PCDHGA5: variants seen among roughly 807,000 people sequenced by gnomAD.
The protein encoded by PCDHGA5 is protocadherin gamma subfamily A, 5.
Under a neutral mutation model 56.7 loss-of-function variants are expected in PCDHGA5, and 36 were observed. The ratio of observed to expected loss-of-function variants is 0.64; its 90% confidence interval spans 0.49 to 0.84. PCDHGA5 has a LOEUF of 0.84. Ranked by LOEUF, PCDHGA5 falls within the 40% of genes least tolerant of loss-of-function variation. The pLI, the probability that PCDHGA5 is intolerant of heterozygous loss-of-function variation, is 0.00. For synonymous variants in PCDHGA5, 563 were observed against 520.2 expected (o/e 1.08, Z -1.12); for missense variants, 1,305 against 1,201.5 (o/e 1.09, Z -1.27).
rs200512171 is a variant in PCDHGA5, at chr5:141,418,143, T to C, written c.2421+51392T>C. ...AAGGACCGAATAGACCGTGAGCAAA[T>C]ATGCAAAGAGAGAAGAAGATGTGAG... On this transcript the variant is annotated intron_variant, in intron 1 of 3. Transcript: ENST00000518069. 2.6e-4 allele frequency: 419 copies of C among 1,613,982 alleles called. 1 individual carries two copies. In the African/African-American group the frequency reaches 5.2e-3, roughly 20 times the overall value.
chr5:141,420,857 C>T (rs1342820721), intron 1 of PCDHGA5, among the ~76,000 whole-genome samples: 1 of 152,220 alleles, frequency 6.6e-6, no homozygotes, highest in Non-Finnish European at 1.5e-5. Context: ...AAAGTTTTAA[C>T]GTCACATAAT....
chr5:141,388,453 A>G (rs556619446), intron 1 of PCDHGA5: 1 of 1,613,846 alleles, frequency 6.2e-7, no homozygotes, highest in East Asian at 2.2e-5. Flanking sequence ...GATGGCAGTA[A>G]ATACCCTGAG....
Position 141,383,260 on chromosome 5 carries a change from G to C in PCDHGA5, c.2421+16509G>C, listed in dbSNP as rs375487349. On this transcript the variant is annotated intron_variant, in intron 1 of 3. Coordinates refer to ENST00000518069, the MANE Select transcript of PCDHGA5 (RefSeq NM_018918.3). ...TAAAATGAATCTTTACCCTATAGAC[G>C]TGGAAATAATAGATATTAATGACAA... 3.7e-6 allele frequency: 6 copies of C among 1,613,782 alleles called. No homozygotes were observed. The African/African-American group carries it at 6.7e-5, about 18-fold the overall frequency.
intron 1 of PCDHGA5, chr5:141,398,694 T>A: frequency 6.2e-7 from 1 of 1,613,868 alleles, no homozygotes; most frequent in Non-Finnish European, 8.5e-7. Context: ...AGGATGGTAG[T>A]AAATACCCGG....
chr5:141,427,930 T>C, intron 1 of PCDHGA5: 2 of 1,583,398 alleles, frequency 1.3e-6, no homozygotes. Flanking sequence ...CGGCGCATGT[T>C]GGTGGGCGAC....
chr5:141,405,176 G>A (rs917679696), intron 1 of PCDHGA5: 3 of 1,614,068 alleles, frequency 1.9e-6, no homozygotes, highest in Non-Finnish European at 2.5e-6. Context: ...ACACTTTGTG[G>A]GTGTAGATGG....
chr5:141,449,782 T>C (rs2098655261), intron 1 of PCDHGA5, among the ~76,000 whole-genome samples: 1 of 151,720 alleles, frequency 6.6e-6, no homozygotes, highest in South Asian at 2.1e-4. Flanking sequence ...GAAATTATGT[T>C]TCTTTATTCC....
At chr5:141,422,229 G>C in intron 1 of PCDHGA5, 4 of 1,565,880 alleles carry the variant, frequency 2.6e-6, no homozygotes, top group Non-Finnish European at 3.4e-6. Flanking sequence ...CCACGACGAT[G>C]TTGATCACTG....
chr5:141,404,080 C>G (rs369802030), intron 1 of PCDHGA5: 1 of 1,613,516 alleles, frequency 6.2e-7, no homozygotes, highest in Non-Finnish European at 8.5e-7. Flanking sequence ...ACCGAGACTC[C>G]GGGAAGAATG....
Position 141,489,361 on chromosome 5 carries a change from C to A in PCDHGA5, c.2422-5446C>A. ...TTACTCAGTGGTGGAGGAGTCTGAG[C>A]CGGGGACGCTGGTGGGGAATGTTGC... On this transcript the variant is annotated intron_variant, in intron 1 of 3. Transcript: ENST00000518069. This position sits in a 1 kb window ranked among gnomAD's most constrained non-coding sequence, Gnocchi z 4.5. 1 of 1,612,880 alleles carries A rather than the reference C, an allele frequency of 6.2e-7. No individual in the cohort carries two copies. The highest frequency in any genetic ancestry group is 8.5e-7 in the Non-Finnish European group (1 of 1,179,164).
At position 141,421,233 on chromosome 5, in the gene PCDHGA5, G is replaced by A. The variant is rs201076931; in HGVS notation, c.2421+54482G>A. Reference sequence around the variant, plus strand: ...ATATCGGCTTAGAGCCTGCCATGGCGAATCGGCTACAGCGCGGGGACCGCA... The same window carrying A: ...ATATCGGCTTAGAGCCTGCCATGGCAAATCGGCTACAGCGCGGGGACCGCA... On this transcript the variant is annotated intron_variant, in intron 1 of 3. Coordinates refer to ENST00000518069, the MANE Select transcript of PCDHGA5 (RefSeq NM_018918.3). 1.4e-3 allele frequency: 2,185 copies of A among 1,592,236 alleles called. 58 individuals are homozygous for A. In the South Asian group the frequency reaches 0.024, roughly 17 times the overall value.
At chr5:141,494,161 T>G (rs1420295862) in intron 1 of PCDHGA5, among the ~76,000 whole-genome samples, 3 of 152,052 alleles carry the variant, frequency 2.0e-5, no homozygotes, top group African/African-American at 7.3e-5. Flanking sequence ...TGGCACGGAG[T>G]TCTAGGGGTG....
chr5:141,383,551 G>A lies in PCDHGA5; in HGVS notation c.2421+16800G>A, dbSNP rs772901140. 8 of 1,612,382 alleles carry A rather than the reference G, an allele frequency of 5.0e-6. No individual in the cohort carries two copies. Among genetic ancestry groups the A allele is most frequent in the Admixed American group, 3.3e-5 (2 of 59,816 alleles). On this transcript the variant is annotated intron_variant, in intron 1 of 3. Transcript: ENST00000518069. ...CCTGGTCCTCACAGCCTCTGATGGC[G>A]GCGACCCGCCCCGATCCAGCACCGC...
In PCDHGA5 at chr5:141,409,580, C is replaced by T. The variant is rs969743613; in HGVS notation, c.2421+42829C>T. The T allele has an allele frequency of 3.7e-6, 6 of 1,613,922 alleles. No homozygotes were observed. The Admixed American group carries it at 8.3e-5, about 22-fold the overall frequency. The stretch of plus-strand genomic sequence containing the variant: ...TTTCGACCAGACGTCCTACGTGGTC[C>T]ACGTGGCCGAGAACAACCCGCCAGG... On this transcript the variant is annotated intron_variant, in intron 1 of 3. Transcript: ENST00000518069.
Position 141,454,796 on chromosome 5 carries a change from A to ATTT in PCDHGA5, c.2422-39984_2422-39982dup, listed in dbSNP as rs61612330. 3.3e-3 allele frequency among the ~76,000 whole-genome samples: 253 copies of ATTT among 77,450 alleles called. 31 individuals carry two copies. The highest frequency in any genetic ancestry group is 0.02 in the South Asian group (39 of 1,960). The allele number at this position is 77,450 out of a possible 152,430, so 50.8% of individuals were successfully genotyped here. ...AAGGAAATAATCCTCCATGGTTCTA[A>ATTT]TTTTTTTTTTTTTTTTTTTTTTTTT... On this transcript the variant is annotated intron_variant, in intron 1 of 3. Coordinates refer to ENST00000518069, the MANE Select transcript of PCDHGA5 (RefSeq NM_018918.3).
At chr5:141,384,620 G>T in intron 1 of PCDHGA5, 1 of 1,614,200 alleles carries the variant, frequency 6.2e-7, no homozygotes, top group Non-Finnish European at 8.5e-7. Flanking sequence ...GGTTCTACTG[G>T]CATGGAGCTG....
At chr5:141,367,142 G>A (rs1224581067) in intron 1 of PCDHGA5, 1 of 171,748 alleles carries the variant, frequency 5.8e-6, no homozygotes, top group African/African-American at 2.4e-5. Flanking sequence ...AAAGGATAAT[G>A]TATAGGACTG....
At chr5:141,387,967 C>A in intron 1 of PCDHGA5, 1 of 1,489,224 alleles carries the variant, frequency 6.7e-7, no homozygotes, top group Non-Finnish European at 9.0e-7. Context: ...TTCTGCCCGG[C>A]GCTCTGTGAG....
rs1035125527 is a variant in PCDHGA5, at chr5:141,485,059, C to T, written c.2422-9748C>T. The T allele has an allele frequency of 7.0e-6, 6 of 858,958 alleles. No homozygotes were observed. The highest frequency in any genetic ancestry group is 2.4e-5 in the East Asian group (1 of 40,854). 53.2% of individuals were successfully genotyped at this position (858,958 alleles called of 1,614,324 possible). A position where few individuals can be genotyped will look rare whatever the true frequency, so the allele number is the denominator to read the frequency against. ...AACCCTTGCGGCGCCGGCCGAACCG[C>T]GCCAGAGCTGGCGCGGGGAAAGGGA... On this transcript the variant is annotated intron_variant, in intron 1 of 3. Coordinates refer to ENST00000518069, the MANE Select transcript of PCDHGA5 (RefSeq NM_018918.3). This position sits in a 1 kb window ranked among gnomAD's most constrained non-coding sequence, Gnocchi z 5.7.
Sources: allele counts gnomAD v4.1 joint callset (sites outside exome capture counted in the v4.1 genomes callset), GRCh38; gene constraint gnomAD v4.1.1; non-coding constraint Gnocchi (gnomAD v3.1); transcripts MANE v1.5; gene names NCBI Gene and HGNC (gene_info 2026-07-23, HGNC 2026-07-21).